The following PPM1E variants were observed in gnomAD, a reference collection of about 807,000 sequenced individuals.
The protein encoded by PPM1E is protein phosphatase, Mg2+/Mn2+ dependent 1E, also known as protein phosphatase 1E.
Under a neutral mutation model 65.9 loss-of-function variants are expected in PPM1E, and 20 were observed. The ratio of observed to expected loss-of-function variants is 0.30; its 90% CI spans 0.21 to 0.44. The LOEUF (loss-of-function observed/expected upper bound fraction) is 0.44, where lower values mean the gene tolerates loss of function less well. Ranked by LOEUF, PPM1E falls within the 20% of genes least tolerant of loss-of-function variation. The pLI is 1.00. For missense variants in PPM1E, 713 were observed against 953.1 expected (o/e 0.75, Z 3.32); for synonymous variants, 352 against 374.9 (o/e 0.94, Z 0.70).
chr17:58,817,969 G>C (rs1362454225), intron 1 of PPM1E, among the ~76,000 whole-genome samples: 3 of 152,036 alleles, frequency 2.0e-5, no homozygotes. Flanking sequence ...TTGATCTCCT[G>C]ACCTCGTGAT....
chr17:58,828,064 C>T (rs1241956697), intron 1 of PPM1E, among the ~76,000 whole-genome samples: 2 of 145,146 alleles, frequency 1.4e-5, no homozygotes, highest in African/African-American at 5.1e-5. Context: ...ACTAAAAATA[C>T]AAAAATTAGC....
chr17:58,896,538 A>G (rs2051419358), intron 1 of PPM1E, among the ~76,000 whole-genome samples: 1 of 151,300 alleles, frequency 6.6e-6, no homozygotes, highest in South Asian at 2.1e-4. Context: ...TGAGCCAAGA[A>G]TGCACCACTG....
chr17:58,890,867 T>C (rs937115801), intron 1 of PPM1E, among the ~76,000 whole-genome samples: 2 of 152,234 alleles, frequency 1.3e-5, no homozygotes, highest in African/African-American at 4.8e-5. Context: ...TTTACCAGGA[T>C]TCTTTAAACT....
At chr17:58,773,763 C>A (rs1325948410) in intron 1 of PPM1E, among the ~76,000 whole-genome samples, 7 of 152,114 alleles carry the variant, frequency 4.6e-5, no homozygotes, top group Non-Finnish European at 7.3e-5. Context: ...TTACCTACAT[C>A]AAAATTATCT....
At chr17:58,796,705 T>C (rs900900131) in intron 1 of PPM1E, among the ~76,000 whole-genome samples, 1 of 152,256 alleles carries the variant, frequency 6.6e-6, no homozygotes, top group Non-Finnish European at 1.5e-5. Context: ...TGAACACCCA[T>C]ATACCCACAA....
At chr17:58,973,414 CAAA>C (rs36102576) in intron 6 of PPM1E, among the ~76,000 whole-genome samples, 10 of 117,770 alleles carry the variant, frequency 8.5e-5, no homozygotes, top group Non-Finnish European at 1.1e-4. Context: ...GAGACTGTCT[CAAA>C]AAAAAAAAAA....
At chr17:58,956,697 T>A (rs1221435886) in intron 2 of PPM1E, among the ~76,000 whole-genome samples, 1 of 152,190 alleles carries the variant, frequency 6.6e-6, no homozygotes, top group Non-Finnish European at 1.5e-5. Flanking sequence ...GGCTTATACA[T>A]ATTTGACAGG....
In PPM1E at chr17:58,980,483, C is replaced by G; in HGVS notation, c.1720C>G (p.Gln574Glu). The G allele has an allele frequency of 5.6e-6, 9 of 1,614,172 alleles. No individual in the cohort carries two copies. Among genetic ancestry groups the G allele is most frequent in the Non-Finnish European group, 6.8e-6 (8 of 1,180,032 alleles). ...LEDPGYLDLT[Q>E]IEASKPHSAQ... Reference sequence around the variant, plus strand: ...AGACCCAGGCTACCTAGATCTCACACAAATAGAAGCAAGCAAACCTCACAG... The same window carrying G: ...AGACCCAGGCTACCTAGATCTCACAGAAATAGAAGCAAGCAAACCTCACAG... The change falls in exon 7 of 7, where the codon CAA becomes GAA. Residue 574 changes from glutamine (Q) to glutamate (E), a missense_variant. Gln to Glu is a conservative substitution (Grantham distance 29, BLOSUM62 2). This residue lies in a region of PPM1E where 286 missense variants were observed against 313.8 expected (regional missense o/e 0.91). Coordinates refer to ENST00000308249, the MANE Select transcript of PPM1E (RefSeq NM_014906.5). The surrounding 1 kb of genome is among the most constrained non-coding windows in gnomAD (Gnocchi z 4.7).
At chr17:58,858,983 G>A (rs546471065) in intron 1 of PPM1E, among the ~76,000 whole-genome samples, 33 of 152,270 alleles carry the variant, frequency 2.2e-4, no homozygotes, top group Admixed American at 4.6e-4. Context: ...TAAATAATGC[G>A]ATTCAGAAAG....
intron 1 of PPM1E, among the ~76,000 whole-genome samples, chr17:58,944,442 C>A (rs926271728): frequency 6.6e-6 from 1 of 151,996 alleles, no homozygotes; most frequent in Non-Finnish European, 1.5e-5. Flanking sequence ...AGAAAATTTT[C>A]ATCACCCCAG....
At chr17:58,824,340 A>G (rs916463142) in intron 1 of PPM1E, among the ~76,000 whole-genome samples, 7 of 152,170 alleles carry the variant, frequency 4.6e-5, no homozygotes, top group African/African-American at 1.2e-4. Context: ...TTACATAGGC[A>G]CAGATCCTAT....
At chr17:58,832,564 G>A (rs1210049927) in intron 1 of PPM1E, among the ~76,000 whole-genome samples, 1 of 152,122 alleles carries the variant, frequency 6.6e-6, no homozygotes, top group Non-Finnish European at 1.5e-5. Flanking sequence ...ATAATCTGGA[G>A]TGTAGGTTGA....
chr17:58,869,088 T>C (rs1287769598), intron 1 of PPM1E, among the ~76,000 whole-genome samples: 14 of 152,176 alleles, frequency 9.2e-5, no homozygotes. Flanking sequence ...GAGAATCACT[T>C]GAACCCGGGA....
chr17:58,756,220 G>A lies in PPM1E; in HGVS notation c.223G>A (p.Ala75Thr). The change falls in exon 1 of 7, where the codon GCG becomes ACG. Residue 75 changes from alanine to threonine, a missense_variant. Physicochemically the swap from Ala to Thr is moderately conservative, Grantham distance 58 (BLOSUM62 0). Coordinates refer to ENST00000308249, the MANE Select transcript of PPM1E (RefSeq NM_014906.5). ...EPGEEAATVA[A>T]TEEGDQEQDP... ...CGGGGAGGAGGCGGCCACGGTAGCC[G>A]CGACGGAGGAGGGGGACCAGGAGCA... The A allele has an allele frequency of 1.9e-6, 3 of 1,554,578 alleles. No homozygotes were observed. The highest frequency in any genetic ancestry group is 1.2e-5 in the South Asian group (1 of 84,406).
In PPM1E at chr17:58,823,518, C is replaced by G. The variant is rs367736361; in HGVS notation, c.464+67057C>G. On this transcript the variant is annotated intron_variant, in intron 1 of 6. Transcript: ENST00000308249. ...TGAATCTTATGCATCTATAGTTACT[C>G]TTTGAAAATAACATTGCTGGCTGCT... Among the ~76,000 whole-genome samples the G allele has an allele frequency of 5.3e-5, 8 of 152,092 alleles. No individual in the cohort carries two copies. In the East Asian group the frequency reaches 1.3e-3, roughly 26 times the overall value.
At chr17:58,834,950 C>A (rs931132902) in intron 1 of PPM1E, among the ~76,000 whole-genome samples, 1 of 152,084 alleles carries the variant, frequency 6.6e-6, no homozygotes, top group Admixed American at 6.6e-5. Flanking sequence ...TTGCATTAAA[C>A]CAACTGCAGA....
chr17:58,909,355 C>A (rs2051596364), intron 1 of PPM1E, among the ~76,000 whole-genome samples: 2 of 152,150 alleles, frequency 1.3e-5, no homozygotes, highest in Admixed American at 1.3e-4. Flanking sequence ...CTCCTGGGCT[C>A]AAGCAATCCT....
intron 1 of PPM1E, among the ~76,000 whole-genome samples, chr17:58,828,481 T>G (rs928798992): frequency 6.6e-6 from 1 of 152,294 alleles, no homozygotes. Flanking sequence ...TTTGTTTTTT[T>G]AAGATGGAGT....
At chr17:58,817,076 G>A (rs371747431) in intron 1 of PPM1E, among the ~76,000 whole-genome samples, 17 of 151,856 alleles carry the variant, frequency 1.1e-4, no homozygotes, top group African/African-American at 2.4e-4. Context: ...TTATAGGTGC[G>A]AGCCACCATG....
Sources: gnomAD v4.1 joint callset for allele counts (sites outside exome capture counted in the v4.1 genomes callset) on GRCh38, gnomAD v4.1.1 for gene constraint, gnomAD v4.1.1 regional missense constraint, Gnocchi (gnomAD v3.1) non-coding constraint, MANE v1.5 for transcripts, NCBI Gene and HGNC (gene_info 2026-07-23, HGNC 2026-07-21) for gene names.